RORA: variants seen among roughly 807,000 people sequenced by gnomAD.
The protein encoded by RORA is nuclear receptor ROR-alpha.
Under a neutral mutation model 69.5 loss-of-function variants are expected in RORA, and 7 were observed. The observed-to-expected ratio is 0.10, with a 90% CI of 0.06 to 0.19. The LOEUF is 0.19. Ranked by LOEUF, RORA falls within the 10% of genes least tolerant of loss-of-function variation. The probability of loss-of-function intolerance (pLI) is 1.00; values close to 1 mark genes in which losing one functional copy is unlikely to be tolerated. For synonymous variants in RORA, 261 were observed against 240.8 expected, an observed-to-expected ratio of 1.08 and a Z score of -0.78; for missense variants, 457 against 663.0, an observed-to-expected ratio of 0.69 and a Z score of 3.41.
At chr15:60,828,482 G>T (rs752053816) in intron 1 of RORA, among the ~76,000 whole-genome samples, 4 of 152,152 alleles carry the variant, frequency 2.6e-5, no homozygotes, top group Non-Finnish European at 5.9e-5. Flanking sequence ...ACAGTGTGGG[G>T]GTCTGTTCAT....
At chr15:60,570,361 G>C (rs2067843464) in intron 2 of RORA, among the ~76,000 whole-genome samples, 1 of 152,086 alleles carries the variant, frequency 6.6e-6, no homozygotes, top group African/African-American at 2.4e-5. Flanking sequence ...ACGAGGTCTT[G>C]CTCTGTCACC....
chr15:61,177,611 A>C (rs1354953638), intron 1 of RORA, among the ~76,000 whole-genome samples: 3 of 152,084 alleles, frequency 2.0e-5, no homozygotes. Context: ...AGTCAAAGAG[A>C]GGCATAAAAT....
chr15:61,099,662 AC>A (rs1181502071), intron 1 of RORA, among the ~76,000 whole-genome samples: 1 of 152,212 alleles, frequency 6.6e-6, no homozygotes, highest in African/African-American at 2.4e-5. Context: ...ACAATTGTGT[AC>A]CATGTTCAGC....
intron 1 of RORA, among the ~76,000 whole-genome samples, chr15:61,151,479 T>C (rs769183586): frequency 6.6e-6 from 1 of 152,236 alleles, no homozygotes; most frequent in Non-Finnish European, 1.5e-5. Context: ...TCATAATTTT[T>C]GGGTACCAAA....
At chr15:60,997,490 A>G (rs1315657421) in intron 1 of RORA, among the ~76,000 whole-genome samples, 1 of 152,202 alleles carries the variant, frequency 6.6e-6, no homozygotes, top group Non-Finnish European at 1.5e-5. Context: ...ATATGTCATT[A>G]ACTTTCTAGA....
intron 1 of RORA, among the ~76,000 whole-genome samples, chr15:60,957,454 AC>A (rs2140339677): frequency 6.6e-6 from 1 of 152,350 alleles, no homozygotes; most frequent in South Asian, 2.1e-4. Flanking sequence ...CTGTGACAAC[AC>A]GTACCTCCTC....
intron 2 of RORA, among the ~76,000 whole-genome samples, chr15:60,673,525 G>A (rs745331971): frequency 6.6e-6 from 1 of 152,202 alleles, no homozygotes; most frequent in Non-Finnish European, 1.5e-5. Context: ...GCGGGGATAG[G>A]TTTTAGCACC....
At chr15:61,185,465 T>C (rs1458920889) in intron 1 of RORA, among the ~76,000 whole-genome samples, 4 of 152,192 alleles carry the variant, frequency 2.6e-5, no homozygotes, top group Non-Finnish European at 5.9e-5. Context: ...CTCTGCCAAC[T>C]CTGTAATCAG....
intron 2 of RORA, among the ~76,000 whole-genome samples, chr15:60,532,876 C>T (rs1224336813): frequency 6.6e-6 from 1 of 152,188 alleles, no homozygotes; most frequent in East Asian, 1.9e-4. Flanking sequence ...CTGAGTTACA[C>T]ACACAAACAC....
At chr15:60,812,353 T>A (rs1458007637) in intron 1 of RORA, among the ~76,000 whole-genome samples, 2 of 151,984 alleles carry the variant, frequency 1.3e-5, no homozygotes, top group Admixed American at 6.6e-5. Flanking sequence ...ATATATATAT[T>A]TTTAAAATTA....
intron 2 of RORA, among the ~76,000 whole-genome samples, chr15:60,661,916 G>T (rs932001071): frequency 2.6e-5 from 4 of 152,118 alleles, no homozygotes; most frequent in Admixed American, 6.5e-5. Flanking sequence ...AGAATGCTGA[G>T]GTCTGTGTTA....
Position 61,147,089 on chromosome 15 carries a change from G to A in RORA, c.166+81964C>T, listed in dbSNP as rs568878995. Among the ~76,000 whole-genome samples, 3 of 152,266 alleles carry A rather than the reference G, an allele frequency of 2.0e-5. No homozygotes were observed. Among genetic ancestry groups the A allele is most frequent in the East Asian group, 1.9e-4 (1 of 5,186 alleles). On this transcript the variant is annotated intron_variant, in intron 1 of 10. Transcript: ENST00000335670. This position sits in a 1 kb window ranked among gnomAD's most constrained non-coding sequence, Gnocchi z 4.1. ...TCTGAGTGCTTGGAGAGCACCAAGC[G>A]GGCCAGACATCACAATAGGTTAGAT...
In RORA at chr15:61,226,386, C is replaced by G. The variant is rs1247501919; in HGVS notation, c.166+2667G>C. Among the ~76,000 whole-genome samples, 1 of 152,158 alleles carries G rather than the reference C, an allele frequency of 6.6e-6. No individual in the cohort carries two copies. Among genetic ancestry groups the G allele is most frequent in the Admixed American group, 6.5e-5 (1 of 15,280 alleles). The stretch of plus-strand genomic sequence containing the variant: ...CTTTATGTTTTAAGTATTTAAAAGG[C>G]ATAATCACCTAGTGTGTAGGTTAAT... On this transcript the variant is annotated intron_variant, in intron 1 of 10. Transcript: ENST00000335670. The surrounding 1 kb of genome is among the most constrained non-coding windows in gnomAD (Gnocchi z 4.2).
At chr15:60,943,128 A>G (rs536387045) in intron 1 of RORA, among the ~76,000 whole-genome samples, 8 of 152,324 alleles carry the variant, frequency 5.3e-5, no homozygotes, top group African/African-American at 1.9e-4. Context: ...GTAGCTATGC[A>G]TAGTAGCATC....
intron 1 of RORA, among the ~76,000 whole-genome samples, chr15:60,786,784 C>T (rs1171815090): frequency 6.6e-6 from 1 of 152,150 alleles, no homozygotes; most frequent in Non-Finnish European, 1.5e-5. Flanking sequence ...GAGGCCTCCT[C>T]CCTCCCTGAT....
intron 2 of RORA, chr15:60,615,110 T>C (rs1311642642): frequency 3.2e-6 from 5 of 1,543,058 alleles, no homozygotes; most frequent in African/African-American, 1.4e-5. Context: ...CAGCTGCCAC[T>C]ATCCACAGCC....
At chr15:60,893,450 C>T (rs535532795) in intron 1 of RORA, among the ~76,000 whole-genome samples, 5 of 152,300 alleles carry the variant, frequency 3.3e-5, no homozygotes, top group Middle Eastern at 3.4e-3. Context: ...CCCCACTCCG[C>T]GCCCCTGCGA....
chr15:60,698,883 GT>G (rs1210019776), intron 1 of RORA, among the ~76,000 whole-genome samples: 1 of 151,794 alleles, frequency 6.6e-6, no homozygotes, highest in Admixed American at 6.6e-5. Context: ...AAAAAATTTT[GT>G]TTTTGTTGTC....
rs566681243 is a variant in RORA, at chr15:60,500,518, C to T, written c.1294+441G>A. ...GTAGTAACTTAGCAAAAGTGATTATCCCCAAACATGCACTACTGGTTGAAA... is the reference window on the plus strand; with the variant it reads ...GTAGTAACTTAGCAAAAGTGATTATTCCCAAACATGCACTACTGGTTGAAA... On this transcript the variant is annotated intron_variant, in intron 9 of 10. Coordinates refer to ENST00000335670, the MANE Select transcript of RORA (RefSeq NM_134261.3). Among the ~76,000 whole-genome samples, 6 of 151,794 alleles carry T rather than the reference C, an allele frequency of 4.0e-5. No individual in the cohort carries two copies. The South Asian group carries it at 1.0e-3, about 26-fold the overall frequency.
Sources: allele counts gnomAD v4.1 joint callset (sites outside exome capture counted in the v4.1 genomes callset), GRCh38; gene constraint gnomAD v4.1.1; non-coding constraint Gnocchi (gnomAD v3.1); transcripts MANE v1.5; gene names NCBI Gene and HGNC (gene_info 2026-07-23, HGNC 2026-07-21).